GRIK4: variants seen among roughly 807,000 people sequenced by gnomAD.
GRIK4 encodes the protein glutamate receptor ionotropic, kainate 4.
GRIK4 carries 40 observed loss-of-function variants against 104.9 expected under a neutral mutation model. That is an observed-to-expected ratio of 0.38 (90% CI 0.30 to 0.50). GRIK4 has a LOEUF of 0.50. GRIK4 is among the 20% of genes least tolerant of loss of function. GRIK4 has a pLI of 0.93. For synonymous variants in GRIK4, 485 were observed against 524.9 expected (o/e 0.92, Z 1.04); for missense variants, 1,047 against 1,308.1 (o/e 0.80, Z 3.08).
chr11:120,922,258 T>TA (rs1943242445), intron 13 of GRIK4, among the ~76,000 whole-genome samples: 1 of 152,214 alleles, frequency 6.6e-6, no homozygotes, highest in Admixed American at 6.5e-5. Context: ...TCAACTAACT[T>TA]GTTCAAGATC....
In GRIK4 at chr11:120,593,452, C is replaced by T. The variant is rs368415795; in HGVS notation, c.-158-60233C>T. On this transcript the variant is annotated intron_variant, in intron 1 of 20. Coordinates refer to ENST00000527524, the MANE Select transcript of GRIK4 (RefSeq NM_014619.5). ...CTCAGCAGCATTCGACACTTCCCTC[C>T]TCCCTCGAGACACTTTCTCCAGGCT... Among the ~76,000 whole-genome samples, 153 of 152,266 alleles carry T rather than the reference C, an allele frequency of 1.0e-3. 8 individuals are homozygous for T. The South Asian group carries it at 0.031, about 31-fold the overall frequency.
intron 3 of GRIK4, among the ~76,000 whole-genome samples, chr11:120,784,956 G>A (rs906800744): frequency 7.2e-5 from 11 of 152,108 alleles, no homozygotes; most frequent in Admixed American, 1.3e-4. Flanking sequence ...GAATTATCCC[G>A]GACAATGAAG....
At chr11:120,644,059 G>GAGAGAGGAGA (rs796173721) in intron 1 of GRIK4, among the ~76,000 whole-genome samples, 36 of 121,124 alleles carry the variant, frequency 3.0e-4, no homozygotes, top group African/African-American at 1.3e-3. Flanking sequence ...GAGAGAGAGA[G>GAGAGAGGAGA]GAGAGAGAGA....
chr11:120,733,943 G>A (rs1254000623), intron 3 of GRIK4, among the ~76,000 whole-genome samples: 1 of 151,946 alleles, frequency 6.6e-6, no homozygotes, highest in Non-Finnish European at 1.5e-5. Flanking sequence ...TCATCATGTT[G>A]GCCAGACTGG....
chr11:120,957,337 G>A lies in GRIK4; in HGVS notation c.1874+384G>A, dbSNP rs1008648325. 2.6e-5 allele frequency among the ~76,000 whole-genome samples: 4 copies of A among 152,372 alleles called. No homozygotes were observed. The East Asian group carries it at 7.7e-4, about 29-fold the overall frequency. ...GCCTGCTGGCAGGAAGTCCCTGCAG[G>A]AGGAAGCCAGCCTGGCTGCTACATC... On this transcript the variant is annotated intron_variant, in intron 16 of 20. Coordinates refer to ENST00000527524, the MANE Select transcript of GRIK4 (RefSeq NM_014619.5).
chr11:120,686,928 A>G (rs537305355), intron 3 of GRIK4, among the ~76,000 whole-genome samples: 18 of 152,172 alleles, frequency 1.2e-4, no homozygotes, highest in Non-Finnish European at 2.6e-4. Flanking sequence ...CTGTTGTGCT[A>G]TTATTTCCCT....
At chr11:120,717,420 A>G (rs999570297) in intron 3 of GRIK4, among the ~76,000 whole-genome samples, 2 of 152,096 alleles carry the variant, frequency 1.3e-5, no homozygotes, top group Non-Finnish European at 2.9e-5. Context: ...CAGGCGGATG[A>G]GCATGCCCAG....
intron 11 of GRIK4, among the ~76,000 whole-genome samples, chr11:120,891,159 G>A (rs145406113): frequency 1.2e-3 from 178 of 152,310 alleles, no homozygotes; most frequent in African/African-American, 3.9e-3. Flanking sequence ...GCGGCAGGGC[G>A]TGCAAGTTCC....
intron 1 of GRIK4, among the ~76,000 whole-genome samples, chr11:120,602,342 T>A (rs1370886636): frequency 6.6e-6 from 1 of 152,212 alleles, no homozygotes; most frequent in Non-Finnish European, 1.5e-5. Context: ...CCTATAGGAA[T>A]TGATTACCAT....
At chr11:120,915,317 G>A (rs931907242) in intron 13 of GRIK4, among the ~76,000 whole-genome samples, 1 of 152,194 alleles carries the variant, frequency 6.6e-6, no homozygotes, top group African/African-American at 2.4e-5. Context: ...GTTCCCAAAA[G>A]GTTCTTTTCT....
intron 3 of GRIK4, among the ~76,000 whole-genome samples, chr11:120,730,620 A>G (rs775711240): frequency 1.3e-5 from 2 of 151,846 alleles, no homozygotes; most frequent in African/African-American, 2.4e-5. Context: ...TGATATTTTC[A>G]TAGAGATTGC....
At chr11:120,778,229 G>C (rs1436062961) in intron 3 of GRIK4, among the ~76,000 whole-genome samples, 1 of 152,222 alleles carries the variant, frequency 6.6e-6, no homozygotes, top group Admixed American at 6.5e-5. Context: ...GCTTAGCATG[G>C]TAGAGGCCTG....
chr11:120,747,529 G>A (rs1951466527), intron 3 of GRIK4, among the ~76,000 whole-genome samples: 1 of 152,192 alleles, frequency 6.6e-6, no homozygotes, highest in African/African-American at 2.4e-5. Context: ...GGAGTGTTAA[G>A]GTAGTTTGAG....
intron 1 of GRIK4, among the ~76,000 whole-genome samples, chr11:120,653,358 A>AT (rs1949648205): frequency 6.6e-6 from 1 of 152,208 alleles, no homozygotes; most frequent in African/African-American, 2.4e-5. Flanking sequence ...GGAGACACTG[A>AT]TTTTTTGGTG....
At chr11:120,731,098 A>C (rs3132776) in intron 3 of GRIK4, among the ~76,000 whole-genome samples, 1 of 151,792 alleles carries the variant, frequency 6.6e-6, no homozygotes, top group Non-Finnish European at 1.5e-5. Flanking sequence ...TTCCAGTACT[A>C]TGTTGAATAA....
chr11:120,860,012 G>C (rs1042768193), intron 8 of GRIK4, among the ~76,000 whole-genome samples: 1 of 152,198 alleles, frequency 6.6e-6, no homozygotes, highest in South Asian at 2.1e-4. Flanking sequence ...CAAGGGTGGC[G>C]CCAGGGGCCT....
chr11:120,655,254 T>A (rs1189026079), intron 2 of GRIK4, among the ~76,000 whole-genome samples: 2 of 151,594 alleles, frequency 1.3e-5, no homozygotes, highest in Non-Finnish European at 2.9e-5. Flanking sequence ...GAGCTGAACC[T>A]GGAAAACACA....
chr11:120,586,525 C>G (rs1055480995), intron 1 of GRIK4, among the ~76,000 whole-genome samples: 1 of 152,064 alleles, frequency 6.6e-6, no homozygotes, highest in Non-Finnish European at 1.5e-5. Context: ...TCCTCAGAGA[C>G]ATGTTTTAGG....
At chr11:120,969,259 A>G (rs745703217) in intron 19 of GRIK4, among the ~76,000 whole-genome samples, 1 of 152,120 alleles carries the variant, frequency 6.6e-6, no homozygotes, top group Non-Finnish European at 1.5e-5. Flanking sequence ...CTCCTTGTTC[A>G]GAGTAAAAGA....
Sources: allele counts gnomAD v4.1 joint callset (sites outside exome capture counted in the v4.1 genomes callset), GRCh38; gene constraint gnomAD v4.1.1; transcripts MANE v1.5; gene names NCBI Gene and HGNC (gene_info 2026-07-23, HGNC 2026-07-21).